Variants in FAM120A observed in about 807,000 individuals in gnomAD.
FAM120A encodes the protein family with sequence similarity 120 member A.
Under a neutral mutation model 109.7 loss-of-function variants are expected in FAM120A, and 15 were observed. That is an observed-to-expected ratio of 0.14 (90% CI 0.09 to 0.21). FAM120A has a LOEUF of 0.21. Ranked by LOEUF, FAM120A falls within the 10% of genes least tolerant of loss-of-function variation. FAM120A has a pLI of 1.00. For synonymous variants in FAM120A, 493 were observed against 572.8 expected, an observed-to-expected ratio of 0.86 and a Z score of 1.99; for missense variants, 899 against 1,439.3, an observed-to-expected ratio of 0.62 and a Z score of 6.07.
chr9:93,513,527 C>T (rs1032732418), intron 5 of FAM120A, among the ~76,000 whole-genome samples: 1 of 152,134 alleles, frequency 6.6e-6, no homozygotes, highest in Non-Finnish European at 1.5e-5. Flanking sequence ...ACACACATGC[C>T]AGTCTCATTA....
rs1378859630 is a variant in FAM120A at position 93,497,349 on chromosome 9, TC to T, written c.805-121del. 1.9e-5 allele frequency: 24 copies of T among 1,250,690 alleles called. No individual in the cohort carries two copies. In the East Asian group the frequency reaches 5.1e-4, roughly 26 times the overall value. The allele number at this position is 1,250,690 out of a possible 1,614,324, so 77.5% of individuals were successfully genotyped here. On this transcript the variant is annotated intron_variant, in intron 3 of 17. Transcript: ENST00000277165. ...GGGCCAAGATCTTACAAGTGGACAA[TC>T]ATTGGGCACTGATAAGATCTTAGAT...
intron 1 of FAM120A, among the ~76,000 whole-genome samples, chr9:93,466,428 C>T (rs1858021442): frequency 6.6e-6 from 1 of 152,072 alleles, no homozygotes; most frequent in South Asian, 2.1e-4. Flanking sequence ...CCGTGTGACA[C>T]ATGCCATCCT....
At chr9:93,490,119 A>G (rs1340336138) in intron 3 of FAM120A, among the ~76,000 whole-genome samples, 1 of 152,212 alleles carries the variant, frequency 6.6e-6, no homozygotes, top group African/African-American at 2.4e-5. Context: ...TCCATGAATG[A>G]ATATTGACCA....
At chr9:93,527,781 C>T (rs1023844993) in intron 8 of FAM120A, among the ~76,000 whole-genome samples, 1 of 151,656 alleles carries the variant, frequency 6.6e-6, no homozygotes, top group Non-Finnish European at 1.5e-5. Context: ...CACTACCATG[C>T]CTGGCTAATT....
At chr9:93,528,385 AAATC>A (rs1282390816) in intron 8 of FAM120A, among the ~76,000 whole-genome samples, 2 of 152,274 alleles carry the variant, frequency 1.3e-5, no homozygotes, top group Non-Finnish European at 2.9e-5. Flanking sequence ...GGGTGGCATT[AAATC>A]AATCAATAAG....
chr9:93,454,034 C>CT (rs1374007464), intron 1 of FAM120A, among the ~76,000 whole-genome samples: 1 of 152,104 alleles, frequency 6.6e-6, no homozygotes, highest in Non-Finnish European at 1.5e-5. Flanking sequence ...CTGTTGAGTT[C>CT]TTTTTAATTC....
chr9:93,467,600 T>C (rs1858107296), intron 1 of FAM120A, among the ~76,000 whole-genome samples: 1 of 152,154 alleles, frequency 6.6e-6, no homozygotes, highest in South Asian at 2.1e-4. Flanking sequence ...GTCCTACCTT[T>C]GCTGCAGGTG....
chr9:93,462,636 C>G (rs548183965), intron 1 of FAM120A, among the ~76,000 whole-genome samples: 5 of 152,252 alleles, frequency 3.3e-5, no homozygotes, highest in Non-Finnish European at 5.9e-5. Context: ...CCATCCATTC[C>G]CAGAATTTTT....
intron 3 of FAM120A, among the ~76,000 whole-genome samples, chr9:93,493,205 A>G (rs1466836079): frequency 6.6e-6 from 1 of 152,214 alleles, no homozygotes; most frequent in Non-Finnish European, 1.5e-5. Context: ...TGTTAAAAAT[A>G]TGATCTTTGA....
At chr9:93,537,492 C>T (rs1375917062) in intron 10 of FAM120A, among the ~76,000 whole-genome samples, 1 of 151,848 alleles carries the variant, frequency 6.6e-6, no homozygotes. Context: ...TTCCCTAATA[C>T]CTCAAAATTA....
chr9:93,512,534 A>G (rs1208654428), intron 5 of FAM120A, among the ~76,000 whole-genome samples: 1 of 130,424 alleles, frequency 7.7e-6, no homozygotes, highest in African/African-American at 2.5e-5. Context: ...TTCAGTCTGC[A>G]TATTTTTTTT....
At chr9:93,510,127 T>C (rs1309349168) in intron 5 of FAM120A, among the ~76,000 whole-genome samples, 2 of 152,216 alleles carry the variant, frequency 1.3e-5, no homozygotes, top group South Asian at 2.1e-4. Context: ...CTTGCCCTTC[T>C]GGTCCAGAAT....
intron 10 of FAM120A, among the ~76,000 whole-genome samples, chr9:93,535,261 C>T (rs1433694488): frequency 1.3e-5 from 2 of 152,170 alleles, no homozygotes; most frequent in Non-Finnish European, 2.9e-5. Flanking sequence ...GCAGTCTTTT[C>T]TGCTCAAGTG....
At chr9:93,549,046 AAAAAC>A (rs904317159) in intron 11 of FAM120A, among the ~76,000 whole-genome samples, 2 of 151,782 alleles carry the variant, frequency 1.3e-5, no homozygotes, top group Non-Finnish European at 2.9e-5. Flanking sequence ...CCATCTCAAA[AAAAAC>A]AAAACAAAAA....
At chr9:93,472,842 A>T (rs1268843445) in intron 2 of FAM120A, among the ~76,000 whole-genome samples, 1 of 152,186 alleles carries the variant, frequency 6.6e-6, no homozygotes, top group Non-Finnish European at 1.5e-5. Context: ...TCGGTCTCAA[A>T]GGAGAGTACA....
chr9:93,526,287 C>T (rs981856712), intron 7 of FAM120A, among the ~76,000 whole-genome samples: 3 of 152,186 alleles, frequency 2.0e-5, no homozygotes, highest in Non-Finnish European at 4.4e-5. Flanking sequence ...ATTTCACATT[C>T]GCCTGAGGAC....
At chr9:93,497,338 C>T in intron 3 of FAM120A, 133 bp from the exon 4 acceptor site, 1 of 1,158,588 alleles carries the variant, frequency 8.6e-7, no homozygotes, top group Non-Finnish European at 1.2e-6. Context: ...CAAGATCTTA[C>T]AAGTGGACAA....
At chr9:93,549,164 G>A (rs1233489241) in intron 11 of FAM120A, among the ~76,000 whole-genome samples, 1 of 152,176 alleles carries the variant, frequency 6.6e-6, no homozygotes, top group Non-Finnish European at 1.5e-5. Context: ...AATATTGATG[G>A]TTTAATTAAA....
intron 10 of FAM120A, among the ~76,000 whole-genome samples, chr9:93,533,802 C>T (rs1320646557): frequency 2.0e-5 from 3 of 152,146 alleles, no homozygotes; most frequent in African/African-American, 4.8e-5. Flanking sequence ...TGTTGCAGCT[C>T]CTTTGTCCTC....
Sources: gnomAD v4.1 joint callset for allele counts (sites outside exome capture counted in the v4.1 genomes callset) on GRCh38, gnomAD v4.1.1 for gene constraint, MANE v1.5 for transcripts, NCBI Gene and HGNC (gene_info 2026-07-23, HGNC 2026-07-21) for gene names.